SNX6: variants seen among roughly 807,000 people sequenced by gnomAD.
SNX6 encodes the protein sorting nexin-6.
A neutral mutation model predicts 63.0 loss-of-function variants in SNX6; 34 were observed. That is an observed-to-expected ratio of 0.54 (90% CI 0.41 to 0.72). The LOEUF is 0.72. Among genes scored for constraint, SNX6 ranks in the 30% least tolerant of loss-of-function variants. SNX6 has a pLI of 0.00. For synonymous variants in SNX6, 170 were observed against 164.2 expected (o/e 1.04, Z -0.27); for missense variants, 398 against 471.4 (o/e 0.84, Z 1.44).
intron 6 of SNX6, among the ~76,000 whole-genome samples, chr14:34,602,694 GGGCCGGGCACGGT>G (rs1882865743): frequency 6.6e-6 from 1 of 152,056 alleles, no homozygotes; most frequent in South Asian, 2.1e-4. Flanking sequence ...AGAGAACTTG[GGGCCGGGCACGGT>G]GGCTTATGCC....
chr14:34,567,362 C>CTGTAATCCCAGCTACA (rs1478763320), intron 13 of SNX6, among the ~76,000 whole-genome samples: 4 of 152,076 alleles, frequency 2.6e-5, no homozygotes, highest in Non-Finnish European at 5.9e-5. Context: ...TGGCACATAC[C>CTGTAATCCCAGCTACA]TGTAATCCCA....
chr14:34,597,455 T>G (rs1882649122), intron 7 of SNX6, 95 bp downstream of exon 7: 1 of 771,760 alleles, frequency 1.3e-6, no homozygotes, highest in South Asian at 1.6e-5. Context: ...CGTCCAAATG[T>G]CTTTTACTCT....
Position 34,604,275 on chromosome 14 carries a change from A to G in SNX6, c.393-804T>C. 2.4e-6 allele frequency: 3 copies of G among 1,259,004 alleles called. No individual in the cohort carries two copies. In the South Asian group the frequency reaches 4.0e-5, roughly 17 times the overall value. 78.0% of individuals were successfully genotyped at this position (1,259,004 alleles called of 1,614,324 possible). On this transcript the variant is annotated intron_variant, in intron 5 of 13. Transcript: ENST00000362031. ...GTTCTCTGTTATCCAACCCCTAACC[A>G]GACCACAAAAGAATCATGATCAGGG...
At chr14:34,585,575 G>T (rs1020061859) in intron 9 of SNX6, among the ~76,000 whole-genome samples, 2 of 152,034 alleles carry the variant, frequency 1.3e-5, no homozygotes, top group African/African-American at 4.8e-5. Context: ...GCTGCCAATA[G>T]AAAATTTTCT....
intron 10 of SNX6, 127 bp downstream of exon 10, chr14:34,581,434 G>A (rs528392999): frequency 2.0e-6 from 1 of 498,878 alleles, no homozygotes. Flanking sequence ...TTACAGGCAC[G>A]AGCCACGTGC....
rs762707251 is a variant in SNX6 at position 34,597,774 on chromosome 14, C to T, written c.517-129G>A. The T allele has an allele frequency of 3.7e-5, 22 of 589,018 alleles. No homozygotes were observed. The Admixed American group carries it at 4.6e-4, about 12-fold the overall frequency. 36.5% of individuals were successfully genotyped at this position (589,018 alleles called of 1,614,324 possible). A position where few individuals can be genotyped will look rare whatever the true frequency, so the allele number is the denominator to read the frequency against. ...AATCTTAATAAAGTGGAAATTTCATCATGCACATCAATGATTTTCAAATTT... is the reference window on the plus strand; with the variant it reads ...AATCTTAATAAAGTGGAAATTTCATTATGCACATCAATGATTTTCAAATTT... On this transcript the variant is annotated intron_variant, in intron 6 of 13. Transcript: ENST00000362031.
intron 6 of SNX6, 38 bp from the exon 7 acceptor site, chr14:34,597,683 A>G: frequency 8.1e-7 from 1 of 1,236,574 alleles, no homozygotes; most frequent in South Asian, 1.3e-5. Flanking sequence ...AAGGTTACAA[A>G]TGGAAAGCAG....
chr14:34,621,816 T>C (rs1360716234), intron 2 of SNX6, among the ~76,000 whole-genome samples: 3 of 152,184 alleles, frequency 2.0e-5, no homozygotes, highest in African/African-American at 4.8e-5. Flanking sequence ...ACTGCCTTAG[T>C]TCTACCTTTG....
At chr14:34,587,921 G>A (rs974469795) in intron 8 of SNX6, among the ~76,000 whole-genome samples, 1 of 148,424 alleles carries the variant, frequency 6.7e-6, no homozygotes, top group African/African-American at 2.5e-5. Flanking sequence ...AGTGATTCTC[G>A]TGCCTCAGCC....
At chr14:34,621,286 CCT>C (rs1255792570) in intron 2 of SNX6, among the ~76,000 whole-genome samples, 2 of 152,096 alleles carry the variant, frequency 1.3e-5, no homozygotes, top group African/African-American at 2.4e-5. Flanking sequence ...GCCTCCTACC[CCT>C]CTCAGCCCCA....
At chr14:34,601,719 C>T (rs956491871) in intron 6 of SNX6, among the ~76,000 whole-genome samples, 2 of 151,826 alleles carry the variant, frequency 1.3e-5, no homozygotes, top group African/African-American at 2.4e-5. Context: ...CTTAGCCTCC[C>T]GAGTAGCTGG....
At chr14:34,612,654 C>G (rs1419675085) in intron 2 of SNX6, among the ~76,000 whole-genome samples, 1 of 151,808 alleles carries the variant, frequency 6.6e-6, no homozygotes, top group Non-Finnish European at 1.5e-5. Flanking sequence ...GTCTGGTCTT[C>G]AACTCCTGAC....
chr14:34,582,410 G>A (rs1881978288), intron 9 of SNX6, among the ~76,000 whole-genome samples: 1 of 151,858 alleles, frequency 6.6e-6, no homozygotes, highest in Non-Finnish European at 1.5e-5. Context: ...AGGATGGCTT[G>A]AGCCCAGGCT....
intron 9 of SNX6, 86 bp downstream of exon 9, chr14:34,586,144 A>T: frequency 1.5e-6 from 1 of 681,188 alleles, no homozygotes; most frequent in Non-Finnish European, 2.5e-6. Context: ...CTCTTAATCC[A>T]CCCACCTTCG....
At chr14:34,578,426 G>A (rs1213483489) in intron 10 of SNX6, among the ~76,000 whole-genome samples, 1 of 151,580 alleles carries the variant, frequency 6.6e-6, no homozygotes, top group Non-Finnish European at 1.5e-5. Context: ...GAGGTCAGGA[G>A]TTCGAGGCCA....
intron 2 of SNX6, among the ~76,000 whole-genome samples, chr14:34,617,836 A>T (rs1452113150): frequency 1.3e-5 from 2 of 151,178 alleles, no homozygotes; most frequent in African/African-American, 4.9e-5. Flanking sequence ...CAGCAGAATC[A>T]CTTGAACCCA....
chr14:34,587,008 CAAAAAAA>C (rs71121211), intron 8 of SNX6, among the ~76,000 whole-genome samples: 1 of 50,122 alleles, frequency 2.0e-5, no homozygotes, highest in Admixed American at 3.5e-4. Context: ...GACTCTGTCT[CAAAAAAA>C]AAAAAAAAAA....
At chr14:34,563,601 C>T (rs1261668288) in intron 13 of SNX6, among the ~76,000 whole-genome samples, 1 of 151,568 alleles carries the variant, frequency 6.6e-6, no homozygotes, top group Non-Finnish European at 1.5e-5. Flanking sequence ...TGTTAGAAGT[C>T]ATATGACTTT....
chr14:34,583,879 C>T (rs904831187), intron 9 of SNX6, among the ~76,000 whole-genome samples: 5 of 136,784 alleles, frequency 3.7e-5, no homozygotes, highest in Admixed American at 8.1e-5. Context: ...CGGAGTTTCT[C>T]TCTTGTTGCC....
Sources: gnomAD v4.1 joint callset for allele counts (sites outside exome capture counted in the v4.1 genomes callset) on GRCh38, gnomAD v4.1.1 for gene constraint, MANE v1.5 for transcripts, NCBI Gene and HGNC (gene_info 2026-07-23, HGNC 2026-07-21) for gene names.